RPN2: variants seen among roughly 807,000 people sequenced by gnomAD.
RPN2 encodes dolichyl-diphosphooligosaccharide--protein glycosyltransferase subunit 2.
Under a neutral mutation model 71.4 loss-of-function variants are expected in RPN2, and 29 were observed. That is an observed-to-expected ratio of 0.41 (90% CI 0.30 to 0.55). The LOEUF is 0.55. Among genes scored for constraint, RPN2 ranks in the 20% least tolerant of loss-of-function variants. The pLI, the probability that RPN2 is intolerant of heterozygous loss-of-function variation, is 0.35. For missense variants in RPN2, 726 were observed against 774.1 expected, an observed-to-expected ratio of 0.94 and a Z score of 0.74; for synonymous variants, 308 against 305.0, an observed-to-expected ratio of 1.01 and a Z score of -0.10.
At chr20:37,211,903 A>G (rs542389552) in intron 8 of RPN2, among the ~76,000 whole-genome samples, 22 of 151,790 alleles carry the variant, frequency 1.4e-4, no homozygotes, top group Non-Finnish European at 3.1e-4. Context: ...ATGCCCGGCT[A>G]ATTTTCGTAT....
chr20:37,234,596 C>T (rs2068333076), intron 15 of RPN2, among the ~76,000 whole-genome samples: 1 of 152,156 alleles, frequency 6.6e-6, no homozygotes, highest in Non-Finnish European at 1.5e-5. Flanking sequence ...ACAGTAAATT[C>T]ACAAATCACT....
chr20:37,181,264 C>T (rs989716822), intron 1 of RPN2, among the ~76,000 whole-genome samples: 22 of 151,766 alleles, frequency 1.4e-4, no homozygotes, highest in African/African-American at 4.4e-4. Flanking sequence ...GCTTCCACTA[C>T]GGTGGTATAC....
intron 15 of RPN2, among the ~76,000 whole-genome samples, chr20:37,235,181 GC>G (rs1305651844): frequency 6.6e-6 from 1 of 152,122 alleles, no homozygotes; most frequent in Non-Finnish European, 1.5e-5. Context: ...GTGGTTAAGA[GC>G]CCCGCTGTAG....
At chr20:37,226,895 C>T (rs1048539144) in intron 11 of RPN2, among the ~76,000 whole-genome samples, 3 of 152,156 alleles carry the variant, frequency 2.0e-5, no homozygotes, top group African/African-American at 7.2e-5. Flanking sequence ...GACAGGAATG[C>T]GGGACCTAGT....
intron 1 of RPN2, among the ~76,000 whole-genome samples, chr20:37,181,185 C>T (rs1024631390): frequency 1.3e-4 from 19 of 151,406 alleles, no homozygotes; most frequent in East Asian, 2.0e-4. Flanking sequence ...GCCGAGATCG[C>T]GCCACTGCAC....
Position 37,204,915 on chromosome 20 carries a change from A to G in RPN2, c.690+14A>G. ...TCCATTAAGGAGGTACCTATCTAAC[A>G]ATTTTCAGGCATGAAACCCAAAGGG... On this transcript the variant is annotated intron_variant, in intron 6 of 16. Coordinates refer to ENST00000237530, the MANE Select transcript of RPN2 (RefSeq NM_002951.5). 6.2e-7 allele frequency: 1 copy of G among 1,614,108 alleles called. No individual in the cohort carries two copies. Among genetic ancestry groups the G allele is most frequent in the South Asian group, 1.1e-5 (1 of 91,086 alleles).
At chr20:37,236,068 G>A (rs574763647) in intron 15 of RPN2, among the ~76,000 whole-genome samples, 11 of 150,274 alleles carry the variant, frequency 7.3e-5, no homozygotes, top group African/African-American at 2.7e-4. Flanking sequence ...GGCACAGGTC[G>A]CTGAAGTCCA....
chr20:37,206,816 C>T (rs920026502), intron 6 of RPN2, among the ~76,000 whole-genome samples: 5 of 152,042 alleles, frequency 3.3e-5, no homozygotes, highest in African/African-American at 1.2e-4. Flanking sequence ...TCAAGCAATT[C>T]TCGTGCCTCA....
Position 37,205,040 on chromosome 20 carries a change from A to G in RPN2, c.690+139A>G, listed in dbSNP as rs1353408915. 2.4e-6 allele frequency: 3 copies of G among 1,259,432 alleles called. No homozygotes were observed. The Admixed American group carries it at 6.8e-5, about 28-fold the overall frequency. The allele number at this position is 1,259,432 out of a possible 1,614,324, so 78.0% of individuals were successfully genotyped here. On this transcript the variant is annotated intron_variant, in intron 6 of 16. Transcript: ENST00000237530. ...TCAGTGTCCTGGGTTAGGGATTAAG[A>G]ATGAGAAATAGAAAGATGTAATGCC...
intron 4 of RPN2, among the ~76,000 whole-genome samples, chr20:37,201,024 A>T (rs2067375479): frequency 6.6e-6 from 1 of 152,038 alleles, no homozygotes. Context: ...CTTGTGTCTG[A>T]CTTTGGCCAA....
Position 37,198,474 on chromosome 20 carries a change from G to A in RPN2, c.285G>A (p.Gln95=). 1 of 1,614,202 alleles carries A rather than the reference G, an allele frequency of 6.2e-7. No homozygotes were observed. ...DSLFYAAQAS[Q]ALSGCEISIS... ...TCTTCTACGCTGCCCAGGCCAGCCA[G>A]GCCCTCTCAGGATGTGAGGTGAGTC... Residue 95 remains glutamine, a synonymous_variant, in exon 3 of 17, where the codon CAG becomes CAA. Transcript: ENST00000237530.
In RPN2 at chr20:37,184,199, G is replaced by T. The variant is rs754101577; in HGVS notation, c.33G>T (p.Leu11=). 1.2e-6 allele frequency: 2 copies of T among 1,614,192 alleles called. No homozygotes were observed. The highest frequency in any genetic ancestry group is 2.2e-5 in the East Asian group (1 of 44,878). Residue 11 remains leucine (L), a synonymous_variant, in exon 2 of 17, where the codon CTG becomes CTT. Coordinates refer to ENST00000237530, the MANE Select transcript of RPN2 (RefSeq NM_002951.5). ...CCCAAGGTTCAAGCACTGTCTTCCT[G>T]TTGGCCCTGACAATCATAGCCAGCA... The part of the protein sequence containing the change: MAPPGSSTVF[L]LALTIIASTW...
intron 9 of RPN2, among the ~76,000 whole-genome samples, chr20:37,216,106 A>G (rs2067797627): frequency 6.6e-6 from 1 of 152,206 alleles, no homozygotes; most frequent in Non-Finnish European, 1.5e-5. Flanking sequence ...TGGGAGGCCA[A>G]GGCAGGCGGA....
chr20:37,187,758 A>T (rs1046115966), intron 2 of RPN2, among the ~76,000 whole-genome samples: 1 of 151,886 alleles, frequency 6.6e-6, no homozygotes, highest in African/African-American at 2.4e-5. Flanking sequence ...CTCCCATCTC[A>T]GCCTCCTAAG....
intron 2 of RPN2, among the ~76,000 whole-genome samples, chr20:37,185,054 T>A (rs1472445686): frequency 6.6e-6 from 1 of 152,094 alleles, no homozygotes; most frequent in Admixed American, 6.6e-5. Flanking sequence ...ATAATGGTAG[T>A]CACTACATCA....
chr20:37,199,455 A>T, intron 4 of RPN2, among the ~76,000 whole-genome samples: 1 of 152,216 alleles, frequency 6.6e-6, no homozygotes, highest in East Asian at 1.9e-4. Context: ...CGCAGACAGA[A>T]GGCAAGCGCT....
intron 8 of RPN2, among the ~76,000 whole-genome samples, chr20:37,210,372 T>A (rs938783195): frequency 6.6e-6 from 1 of 152,252 alleles, no homozygotes; most frequent in African/African-American, 2.4e-5. Context: ...TGGCTCTGTC[T>A]TGTCATTGTG....
chr20:37,203,328 A>T (rs2067436902), intron 4 of RPN2, among the ~76,000 whole-genome samples: 1 of 150,936 alleles, frequency 6.6e-6, no homozygotes, highest in African/African-American at 2.4e-5. Flanking sequence ...TTGCTTTTTA[A>T]AATGGTTAAT....
chr20:37,231,604 C>G (rs1438912020), intron 13 of RPN2, among the ~76,000 whole-genome samples: 1 of 151,538 alleles, frequency 6.6e-6, no homozygotes, highest in Non-Finnish European at 1.5e-5. Context: ...CCCAACTACT[C>G]AGGAGGCTAA....
Sources: allele counts gnomAD v4.1 joint callset (sites outside exome capture counted in the v4.1 genomes callset), GRCh38; gene constraint gnomAD v4.1.1; transcripts MANE v1.5; gene names NCBI Gene and HGNC (gene_info 2026-07-23, HGNC 2026-07-21).